Variants in METTL21A observed in about 807,000 individuals in gnomAD.
The protein encoded by METTL21A is protein N-lysine methyltransferase METTL21A.
A neutral mutation model predicts 20.9 loss-of-function variants in METTL21A; 22 were observed. The observed-to-expected ratio is 1.05, with a 90% CI of 0.75 to 1.50. The LOEUF (loss-of-function observed/expected upper bound fraction) is 1.50. Among genes scored for constraint, METTL21A ranks in the 40% most tolerant of loss-of-function variants. The pLI, the probability that METTL21A is intolerant of heterozygous loss-of-function variation, is 0.00. For missense variants in METTL21A, 271 were observed against 266.8 expected (o/e 1.02, Z -0.11); for synonymous variants, 93 against 102.0 (o/e 0.91, Z 0.53).
At chr2:207,616,166 C>T (rs908519664) in intron 3 of METTL21A, among the ~76,000 whole-genome samples, 1 of 151,138 alleles carries the variant, frequency 6.6e-6, no homozygotes, top group Admixed American at 6.6e-5. Context: ...GGCAACAGAG[C>T]GAGACCCTAT....
At chr2:207,600,690 G>A (rs967205993) in intron 3 of METTL21A, 9 of 211,112 alleles carry the variant, frequency 4.3e-5, no homozygotes, top group African/African-American at 2.0e-4. Context: ...TTGATGGTAG[G>A]TCAGCAGCAG....
intron 3 of METTL21A, among the ~76,000 whole-genome samples, chr2:207,582,367 C>T (rs1244150386): frequency 6.6e-6 from 1 of 152,174 alleles, no homozygotes; most frequent in African/African-American, 2.4e-5. Flanking sequence ...TGTATATCTC[C>T]ATCCCTTCTA....
chr2:207,601,211 G>A (rs1316738656), intron 3 of METTL21A: 1 of 185,280 alleles, frequency 5.4e-6, no homozygotes, highest in Non-Finnish European at 1.1e-5. Context: ...TATTTATTTG[G>A]ATTATATTTA....
chr2:207,622,840 T>C (rs2090657899), intron 2 of METTL21A, among the ~76,000 whole-genome samples: 1 of 152,226 alleles, frequency 6.6e-6, no homozygotes, highest in South Asian at 2.1e-4. Flanking sequence ...AGCCGCATAC[T>C]GTGAGTATAA....
chr2:207,584,372 A>G (rs2083440851), intron 3 of METTL21A, among the ~76,000 whole-genome samples: 1 of 151,566 alleles, frequency 6.6e-6, no homozygotes, highest in South Asian at 2.1e-4. Flanking sequence ...TATAATGGAT[A>G]TCTTATGGTT....
chr2:207,596,324 T>A (rs551026449), intron 3 of METTL21A, among the ~76,000 whole-genome samples: 26 of 152,362 alleles, frequency 1.7e-4, no homozygotes, highest in Non-Finnish European at 2.9e-4. Context: ...TCTTAGTTAT[T>A]GATATGGATA....
intron 3 of METTL21A, chr2:207,601,112 G>GT (rs1483939147): frequency 9.6e-6 from 1 of 103,812 alleles, no homozygotes; most frequent in African/African-American, 4.7e-5. Context: ...CTTTTCAGTT[G>GT]TTTTCAAGAG....
intron 3 of METTL21A, among the ~76,000 whole-genome samples, chr2:207,586,094 G>A (rs1008189025): frequency 2.0e-5 from 3 of 151,962 alleles, no homozygotes; most frequent in African/African-American, 7.2e-5. Context: ...CAAAAACAAA[G>A]AAAAAATTCT....
chr2:207,604,190 G>A (rs370775575), downstream of METTL21A, among the ~76,000 whole-genome samples: 2 of 152,194 alleles, frequency 1.3e-5, no homozygotes, highest in East Asian at 3.8e-4. Flanking sequence ...CTTGTCATTT[G>A]ACCAGGCACT....
intron 3 of METTL21A, among the ~76,000 whole-genome samples, chr2:207,614,431 A>C (rs545707752): frequency 1.3e-5 from 2 of 152,246 alleles, no homozygotes; most frequent in South Asian, 4.1e-4. Flanking sequence ...AGATGACAAG[A>C]TACCAAAAAC....
chr2:207,596,857 C>A, intron 3 of METTL21A: 1 of 1,567,948 alleles, frequency 6.4e-7, no homozygotes, highest in Non-Finnish European at 8.6e-7. Flanking sequence ...AAAGGTAATC[C>A]AAAATAAATA....
intron 3 of METTL21A, among the ~76,000 whole-genome samples, chr2:207,588,720 G>C (rs1295215386): frequency 1.5e-5 from 1 of 65,142 alleles, no homozygotes; most frequent in Non-Finnish European, 3.1e-5. Flanking sequence ...AGTATGAACT[G>C]TTTTCTGGTT....
intron 3 of METTL21A, among the ~76,000 whole-genome samples, chr2:207,584,839 G>A (rs374176578): frequency 6.6e-6 from 1 of 152,134 alleles, no homozygotes; most frequent in African/African-American, 2.4e-5. Flanking sequence ...GTCAGAGCAA[G>A]TATTTTCTTT....
At chr2:207,617,863 C>T (rs909559316) in intron 3 of METTL21A, among the ~76,000 whole-genome samples, 1 of 152,044 alleles carries the variant, frequency 6.6e-6, no homozygotes, top group African/African-American at 2.4e-5. Flanking sequence ...CAGTGGGACT[C>T]CAAGGGGTAG....
downstream of METTL21A, among the ~76,000 whole-genome samples, chr2:207,604,772 C>T (rs1472446047): frequency 1.3e-5 from 2 of 152,192 alleles, no homozygotes; most frequent in African/African-American, 4.8e-5. Flanking sequence ...CTGGCAACCA[C>T]CAATCTGCTT....
chr2:207,590,323 G>A (rs554414366), intron 3 of METTL21A, among the ~76,000 whole-genome samples: 5 of 151,280 alleles, frequency 3.3e-5, no homozygotes, highest in African/African-American at 1.2e-4. Context: ...CTCTCTCTCT[G>A]TATTCGCCAC....
chr2:207,616,247 T>G (rs2107115629), intron 3 of METTL21A, among the ~76,000 whole-genome samples: 1 of 152,352 alleles, frequency 6.6e-6, no homozygotes, highest in East Asian at 1.9e-4. Flanking sequence ...TCTGAATTTC[T>G]TAACAGTACA....
intron 3 of METTL21A, among the ~76,000 whole-genome samples, chr2:207,595,196 A>G (rs1218133999): frequency 1.3e-5 from 2 of 151,338 alleles, no homozygotes; most frequent in East Asian, 2.0e-4. Flanking sequence ...GAGTTTCACC[A>G]TGTTGGCCAG....
At chr2:207,596,947 A>G (rs887274989) in intron 3 of METTL21A, 1 of 1,611,448 alleles carries the variant, frequency 6.2e-7, no homozygotes, top group South Asian at 1.1e-5. Flanking sequence ...GAAAGAAGAA[A>G]GAATATGTGA....
Sources: allele counts gnomAD v4.1 joint callset (sites outside exome capture counted in the v4.1 genomes callset), GRCh38; gene constraint gnomAD v4.1.1; transcripts MANE v1.5; gene names NCBI Gene and HGNC (gene_info 2026-07-23, HGNC 2026-07-21).